The following PLA2G4F variants were observed in gnomAD, a reference collection of about 807,000 sequenced individuals.
PLA2G4F encodes the protein cytosolic phospholipase A2 zeta.
PLA2G4F carries 105 observed loss-of-function variants against 103.1 expected under a neutral mutation model. The ratio of observed to expected loss-of-function variants is 1.02; its 90% CI spans 0.87 to 1.20. The LOEUF (loss-of-function observed/expected upper bound fraction) is 1.20. Among genes scored for constraint, PLA2G4F ranks in the 50% most tolerant of loss-of-function variants. The probability of loss-of-function intolerance (pLI) is 0.00; values close to 1 mark genes in which losing one functional copy is unlikely to be tolerated. For synonymous variants in PLA2G4F, 468 were observed against 441.1 expected (o/e 1.06, Z -0.76); for missense variants, 1,155 against 1,075.9 (o/e 1.07, Z -1.03).
At position 42,143,965 on chromosome 15, in the gene PLA2G4F, C is replaced by A; in HGVS notation, c.2142+13G>T. ...ACTGCAGGTGCTCCCCACATCCCTG[C>A]CTCCCAGCTCACCTCAAAAGGGGCT... On this transcript the variant is annotated intron_variant, in intron 18 of 19. Coordinates refer to ENST00000397272, the MANE Select transcript of PLA2G4F (RefSeq NM_213600.4). 1.3e-6 allele frequency: 2 copies of A among 1,591,388 alleles called. No homozygotes were observed. The highest frequency in any genetic ancestry group is 1.7e-6 in the Non-Finnish European group (2 of 1,166,436).
chr15:42,155,482 A>G, intron 2 of PLA2G4F, 35 bp downstream of exon 2: 1 of 1,608,990 alleles, frequency 6.2e-7, no homozygotes, highest in Non-Finnish European at 8.5e-7. Flanking sequence ...CCGCAGGGAA[A>G]GGACAGAGAG....
intron 13 of PLA2G4F, chr15:42,146,895 C>T (rs866870048): frequency 1.7e-5 from 9 of 524,876 alleles, no homozygotes; most frequent in Middle Eastern, 5.1e-4. Flanking sequence ...TTCTAATATG[C>T]ACCCAGAGCT....
At chr15:42,144,282 T>TG in intron 17 of PLA2G4F, 138 bp from the exon 18 acceptor site, 1 of 1,391,146 alleles carries the variant, frequency 7.2e-7, no homozygotes, top group South Asian at 1.4e-5. Flanking sequence ...CCCAAGCCCT[T>TG]GGCCCTGCCT....
At position 42,152,729 on chromosome 15, in the gene PLA2G4F, C is replaced by A; in HGVS notation, c.560G>T (p.Gly187Val). The change falls in exon 7 of 20, where the codon GGC (glycine) becomes GTC (valine). Residue 187 changes from glycine (G) to valine (V), a missense_variant. Transcript: ENST00000397272. ...LVAHPCLRIQ[G>V]TLRGDGTAPR... ...GGCTGTCCCATCTCCCCGGAGCGTG[C>A]CCTGGATTCTCAGACAGGGGTGAGC... 6.4e-7 allele frequency: 1 copy of A among 1,557,542 alleles called. No homozygotes were observed. Among genetic ancestry groups the A allele is most frequent in the East Asian group, 2.4e-5 (1 of 41,552 alleles).
chr15:42,153,577 A>T, intron 5 of PLA2G4F, 43 bp downstream of exon 5: 3 of 1,612,250 alleles, frequency 1.9e-6, no homozygotes, highest in Non-Finnish European at 2.5e-6. Flanking sequence ...GCCCTGACTC[A>T]AATCTCTGAG....
Position 42,144,473 on chromosome 15 carries a change from C to A in PLA2G4F, c.1952G>T (p.Gly651Val), listed in dbSNP as rs1187265683. Reference sequence around the variant, plus strand: ...ACCTTTCCAGGCCACGAACTCCCTGCCAGCCACATAGTCCTTGTGCAAGCA... The same window carrying A: ...ACCTTTCCAGGCCACGAACTCCCTGACAGCCACATAGTCCTTGTGCAAGCA... ...GLCLHKDYVA[G>V]REFVAWKDTH... Residue 651 changes from glycine (G) to valine (V), a missense_variant, in exon 17 of 20, where the codon GGC becomes GTC. This residue lies in a region of PLA2G4F where 782 missense variants were observed against 692.9 expected (regional missense o/e 1.13). Coordinates refer to ENST00000397272, the MANE Select transcript of PLA2G4F (RefSeq NM_213600.4). 3.1e-6 allele frequency: 5 copies of A among 1,612,210 alleles called. No homozygotes were observed. In the Admixed American group the frequency reaches 6.7e-5, roughly 21 times the overall value.
At chr15:42,147,596 T>TA in intron 12 of PLA2G4F, 30 bp downstream of exon 12, 1 of 1,611,314 alleles carries the variant, frequency 6.2e-7, no homozygotes, top group Non-Finnish European at 8.5e-7. Context: ...GGGTCTCCTT[T>TA]ACCCTGTGCC....
At chr15:42,153,583 C>T (rs769375803) in intron 5 of PLA2G4F, 37 bp downstream of exon 5, 55 of 1,612,128 alleles carry the variant, frequency 3.4e-5, no homozygotes, top group Middle Eastern at 1.6e-4. Context: ...ACTCAAATCT[C>T]TGAGTCTCTG....
chr15:42,152,306 CT>C (rs2048968932), intron 7 of PLA2G4F, among the ~76,000 whole-genome samples: 1 of 152,210 alleles, frequency 6.6e-6, no homozygotes, highest in Admixed American at 6.5e-5. Context: ...TGTTCCTCTG[CT>C]GATGCCTTGA....
rs74382109 is a variant in PLA2G4F at position 42,152,097 on chromosome 15, T to C, written c.601+591A>G. 5.3e-3 allele frequency among the ~76,000 whole-genome samples: 813 copies of C among 152,336 alleles called. 58 individuals carry two copies. In the East Asian group the frequency reaches 0.14, roughly 26 times the overall value. ...CCTGGGTGGCTGTCCTCTGTGGCAC[T>C]GGGTTTGACAACCCCAGTTCTTCAT... On this transcript the variant is annotated intron_variant, in intron 7 of 19. Coordinates refer to ENST00000397272, the MANE Select transcript of PLA2G4F (RefSeq NM_213600.4).
chr15:42,139,269 C>T lies in PLA2G4F; in HGVS notation c.*2715G>A, dbSNP rs913250173. ...AGCCTGTTTAAGATAAATTCCCCCA[C>T]ACTCCCTCGTACCTACTCCTTGCCC... On this transcript the variant is annotated 3_prime_UTR_variant, in exon 20 of 20. Coordinates refer to ENST00000397272, the MANE Select transcript of PLA2G4F (RefSeq NM_213600.4). 1.9e-5 allele frequency: 3 copies of T among 154,192 alleles called. No individual in the cohort carries two copies. Among genetic ancestry groups the T allele is most frequent in the African/African-American group, 7.2e-5 (3 of 41,522 alleles). 9.6% of individuals were successfully genotyped at this position (154,192 alleles called of 1,614,324 possible). A position where few individuals can be genotyped will look rare whatever the true frequency, so the allele number is the denominator to read the frequency against.
chr15:42,146,100 C>G, intron 14 of PLA2G4F, 27 bp downstream of exon 14: 3 of 1,610,352 alleles, frequency 1.9e-6, no homozygotes, highest in Non-Finnish European at 2.5e-6. Flanking sequence ...TCCTCTACCT[C>G]CTTCCTTCGT....
At position 42,141,672 on chromosome 15, in the gene PLA2G4F, G is replaced by T; in HGVS notation, c.*312C>A. ...CCTCTGAGGTCCTTCTGTGTCTGGG[G>T]TGGGCTCTGTGGCTCACCTGATTCT... On this transcript the variant is annotated 3_prime_UTR_variant, in exon 20 of 20. Coordinates refer to ENST00000397272, the MANE Select transcript of PLA2G4F (RefSeq NM_213600.4). 1.9e-6 allele frequency: 1 copy of T among 518,302 alleles called. No individual in the cohort carries two copies. Among genetic ancestry groups the T allele is most frequent in the South Asian group, 1.5e-5 (1 of 65,080 alleles). The allele number at this position is 518,302 out of a possible 1,614,324, so 32.1% of individuals were successfully genotyped here.
rs772627457 is a variant in PLA2G4F at position 42,142,105 on chromosome 15, TGGG to T, written c.2426_2428del (p.Pro809del). ...GAGGGCCACCAGCCGATAAAAGTCC[TGGG>T]GCTCATAGGTGAAGTTCATCATGCC... is the stretch of plus-strand genomic sequence containing the variant. On this transcript the variant is annotated inframe_deletion, in exon 20 of 20. Coordinates refer to ENST00000397272, the MANE Select transcript of PLA2G4F (RefSeq NM_213600.4). 74 of 1,614,086 alleles carry T rather than the reference TGGG, an allele frequency of 4.6e-5. No homozygotes were observed. Among genetic ancestry groups the T allele is most frequent in the Non-Finnish European group, 6.1e-5 (72 of 1,180,032 alleles).
intron 19 of PLA2G4F, 135 bp downstream of exon 19, chr15:42,142,393 A>AGG: frequency 2.5e-6 from 3 of 1,218,596 alleles, no homozygotes; most frequent in Non-Finnish European, 3.4e-6. Flanking sequence ...CAGGGAGCAG[A>AGG]GGGCCACAGG....
intron 16 of PLA2G4F, among the ~76,000 whole-genome samples, chr15:42,145,360 C>G (rs1363569435): frequency 6.6e-6 from 1 of 152,132 alleles, no homozygotes; most frequent in East Asian, 1.9e-4. Context: ...ACCGAGTGGA[C>G]CTAATTGGAT....
chr15:42,154,453 T>G lies in PLA2G4F; in HGVS notation c.190A>C (p.Lys64Gln). Residue 64 changes from lysine to glutamine, a missense_variant, in exon 3 of 20, where the codon AAA becomes CAA. By Grantham distance (53) the Lys-to-Gln change is moderately conservative (BLOSUM62 1). This residue lies in a region of PLA2G4F where 370 missense variants were observed against 364.9 expected (regional missense o/e 1.01). Transcript: ENST00000397272. ...TNIRGTDLLS[K>Q]ADCYVQLWLP... is the part of the protein sequence containing the mutation. Reference sequence around the variant, plus strand: ...CACAGTTGCACATAGCAGTCGGCTTTGGACACTGCAGGTAGGACAGGGAGG... The same window carrying G: ...CACAGTTGCACATAGCAGTCGGCTTGGGACACTGCAGGTAGGACAGGGAGG... 3 of 1,585,586 alleles carry G rather than the reference T, an allele frequency of 1.9e-6. No individual in the cohort carries two copies. The highest frequency in any genetic ancestry group is 2.6e-6 in the Non-Finnish European group (3 of 1,163,384).
chr15:42,149,905 G>T, intron 10 of PLA2G4F, 57 bp from the exon 11 acceptor site: 1 of 1,589,644 alleles, frequency 6.3e-7, no homozygotes. Flanking sequence ...TCCAGTGGAG[G>T]AGAGCCTTGG....
At chr15:42,150,527 AG>A in intron 8 of PLA2G4F, 41 bp from the exon 9 acceptor site, 1 of 1,602,292 alleles carries the variant, frequency 6.2e-7, no homozygotes. Context: ...CCAGCAGGGA[AG>A]AAAAGTCTCC....
Sources: gnomAD v4.1 joint callset for allele counts (sites outside exome capture counted in the v4.1 genomes callset) on GRCh38, gnomAD v4.1.1 for gene constraint, gnomAD v4.1.1 regional missense constraint, MANE v1.5 for transcripts, NCBI Gene and HGNC (gene_info 2026-07-23, HGNC 2026-07-21) for gene names.